The following ECT2 variants were observed in gnomAD, a reference collection of about 807,000 sequenced individuals.
ECT2 encodes the protein protein ECT2.
In ECT2, 61 loss-of-function variants were observed where a neutral mutation model predicts 116.9. The observed-to-expected ratio is 0.52, with a 90% CI of 0.42 to 0.65. The LOEUF is 0.65. Among genes scored for constraint, ECT2 ranks in the 30% least tolerant of loss-of-function variants. The pLI is 0.00. For synonymous variants in ECT2, 358 were observed against 346.4 expected (o/e 1.03, Z -0.37); for missense variants, 937 against 1,078.7 (o/e 0.87, Z 1.84).
At chr3:172,768,365 C>A (rs1719934647) in intron 12 of ECT2, among the ~76,000 whole-genome samples, 1 of 152,142 alleles carries the variant, frequency 6.6e-6, no homozygotes, top group African/African-American at 2.4e-5. Flanking sequence ...CTTTAGCATT[C>A]ATTCAGTCAA....
intron 13 of ECT2, among the ~76,000 whole-genome samples, chr3:172,771,727 A>T (rs74818651): frequency 6.6e-6 from 1 of 152,182 alleles, no homozygotes; most frequent in Admixed American, 6.5e-5. Context: ...TGGGGAATCA[A>T]TGATAATTTA....
In ECT2 at chr3:172,773,940, G is replaced by A; in HGVS notation, c.1466G>A (p.Gly489Asp). ...CCATTGGAAGAGGAAGGACAACGTGGTGGACCTATCCTTGCACCAGAGGAG... is the reference window on the plus strand; with the variant it reads ...CCATTGGAAGAGGAAGGACAACGTGATGGACCTATCCTTGCACCAGAGGAG... The part of the protein sequence containing the change: ...QVPLEEEGQR[G>D]GPILAPEEIK... The change falls in exon 14 of 25, where the codon GGT becomes GAT. Residue 489 changes from glycine (G) to aspartate (D), a missense_variant. Physicochemically the swap from Gly to Asp is moderately conservative, Grantham distance 94. Coordinates refer to ENST00000392692, the MANE Select transcript of ECT2 (RefSeq NM_001258315.2). 6.2e-7 allele frequency: 1 copy of A among 1,613,350 alleles called. No individual in the cohort carries two copies. The highest frequency in any genetic ancestry group is 8.5e-7 in the Non-Finnish European group (1 of 1,179,420).
intron 14 of ECT2, among the ~76,000 whole-genome samples, chr3:172,775,408 T>C (rs1721471332): frequency 6.6e-6 from 1 of 152,200 alleles, no homozygotes; most frequent in Non-Finnish European, 1.5e-5. Context: ...GTTTTATCAG[T>C]ATTGCTGATC....
chr3:172,803,664 G>C lies in ECT2; in HGVS notation c.2106+684G>C, dbSNP rs182866791. ...GAAAAATGTTCATTTTGATAAAACAGACATTAATAAGATGACTCATTTGAC... is the reference window on the plus strand; with the variant it reads ...GAAAAATGTTCATTTTGATAAAACACACATTAATAAGATGACTCATTTGAC... On this transcript the variant is annotated intron_variant, in intron 20 of 24. Transcript: ENST00000392692. Among the ~76,000 whole-genome samples, 126 of 152,286 alleles carry C rather than the reference G, an allele frequency of 8.3e-4. 1 individual carries two copies. Among genetic ancestry groups the C allele is most frequent in the Non-Finnish European group, 1.4e-3 (93 of 68,024 alleles).
Position 172,783,903 on chromosome 3 carries a change from T to C in ECT2, c.1722T>C (p.Phe574=). The C allele has an allele frequency of 6.4e-7, 1 of 1,573,824 alleles. No homozygotes were observed. The highest frequency in any genetic ancestry group is 8.7e-7 in the Non-Finnish European group (1 of 1,152,040). Residue 574 remains phenylalanine, a synonymous_variant, in exon 16 of 25, where the codon TTT becomes TTC. Coordinates refer to ENST00000392692, the MANE Select transcript of ECT2 (RefSeq NM_001258315.2). ...AACAGAAACCAAGATTTCATGCTTT[T>C]CTCAAGGTAATGTGTGTTTCTTTCA... ...CEKQKPRFHA[F]LKINQAKPEC...
chr3:172,759,441 A>G (rs1187808564), intron 6 of ECT2, among the ~76,000 whole-genome samples: 1 of 151,812 alleles, frequency 6.6e-6, no homozygotes, highest in Non-Finnish European at 1.5e-5. Context: ...TTCCTTTTTT[A>G]TTTTTATTTT....
At chr3:172,773,735 CATAAA>C (rs1186134099) in intron 13 of ECT2, among the ~76,000 whole-genome samples, 163 bp from the exon 14 acceptor site, 11 of 152,260 alleles carry the variant, frequency 7.2e-5, no homozygotes, top group East Asian at 3.9e-4. Flanking sequence ...AAATGGAGTA[CATAAA>C]ATAGAATAGA....
chr3:172,777,465 C>T (rs901060415), intron 14 of ECT2, among the ~76,000 whole-genome samples: 1 of 152,120 alleles, frequency 6.6e-6, no homozygotes, highest in Non-Finnish European at 1.5e-5. Flanking sequence ...AAGCCTCATC[C>T]TTACTTTGCT....
intron 6 of ECT2, 30 bp from the exon 7 acceptor site, chr3:172,760,124 TAA>T (rs774555350): frequency 6.8e-7 from 1 of 1,471,612 alleles, no homozygotes. Context: ...AAATTAACCA[TAA>T]AGTCAGTGTT....
chr3:172,781,057 ATGTTTTCTT>A lies in ECT2; in HGVS notation c.1549-1105_1549-1097del, dbSNP rs1189102501. 2.0e-5 allele frequency among the ~76,000 whole-genome samples: 3 copies of A among 152,020 alleles called. No homozygotes were observed. The East Asian group carries it at 5.8e-4, about 29-fold the overall frequency. ...CTCAAGATTTTGAAGATTGTTTTCT[ATGTTTTCTT>A]CAAAAATTGTTTTGCTTGTGGTGAG... On this transcript the variant is annotated intron_variant, in intron 14 of 24. Coordinates refer to ENST00000392692, the MANE Select transcript of ECT2 (RefSeq NM_001258315.2).
At chr3:172,816,622 T>A in intron 23 of ECT2, 69 bp from the exon 24 acceptor site, 1 of 1,411,928 alleles carries the variant, frequency 7.1e-7, no homozygotes, top group Non-Finnish European at 9.4e-7. Context: ...TTGGCTTTTT[T>A]ATGTTTAAAT....
At chr3:172,757,680 T>C (rs1224796062) in intron 5 of ECT2, among the ~76,000 whole-genome samples, 1 of 152,026 alleles carries the variant, frequency 6.6e-6, no homozygotes, top group Non-Finnish European at 1.5e-5. Context: ...CTCTCAAAGT[T>C]CTGGGATTAC....
Position 172,773,816 on chromosome 3 carries a change from T to A in ECT2, c.1429-87T>A, listed in dbSNP as rs1721128784. The A allele has an allele frequency of 3.0e-6, 4 of 1,312,776 alleles. No homozygotes were observed. The South Asian group carries it at 5.4e-5, about 18-fold the overall frequency. The allele number at this position is 1,312,776 out of a possible 1,614,324, so 81.3% of individuals were successfully genotyped here. A position where few individuals can be genotyped will look rare whatever the true frequency, so the allele number is the denominator to read the frequency against. On this transcript the variant is annotated intron_variant, in intron 13 of 24. Transcript: ENST00000392692. ...TTATTATTACTTCCTTCTCTATTAA[T>A]ATCTTGTGTCTCCTTTATCACTGTC...
At position 172,754,467 on chromosome 3, in the gene ECT2, T is replaced by C. The variant is rs201817121; in HGVS notation, c.-22-42T>C. ...GCCTCTAATACTTACTTTTGCCCAA[T>C]GACCATGTTTATGTATTTTTATTCA... is the stretch of plus-strand genomic sequence containing the variant. On this transcript the variant is annotated intron_variant, in intron 1 of 24. Coordinates refer to ENST00000392692, the MANE Select transcript of ECT2 (RefSeq NM_001258315.2). 20 of 1,416,474 alleles carry C rather than the reference T, an allele frequency of 1.4e-5. No homozygotes were observed. In the East Asian group the frequency reaches 4.1e-4, roughly 29 times the overall value. The allele number at this position is 1,416,474 out of a possible 1,614,324, so 87.7% of individuals were successfully genotyped here.
chr3:172,792,374 T>C (rs1417129797), intron 18 of ECT2, among the ~76,000 whole-genome samples: 2 of 150,240 alleles, frequency 1.3e-5, no homozygotes, highest in African/African-American at 4.9e-5. Context: ...TGAAGCACAA[T>C]AAAGTAAAGC....
intron 14 of ECT2, among the ~76,000 whole-genome samples, 194 bp downstream of exon 14, chr3:172,774,216 T>G (rs79047763): frequency 6.6e-6 from 1 of 152,178 alleles, no homozygotes; most frequent in South Asian, 2.1e-4. Flanking sequence ...GTTTTGTTTT[T>G]TGAGACAGTC....
At chr3:172,774,446 G>A (rs964598745) in intron 14 of ECT2, among the ~76,000 whole-genome samples, 6 of 152,052 alleles carry the variant, frequency 3.9e-5, no homozygotes, top group African/African-American at 1.4e-4. Context: ...TGGTCCACCC[G>A]TCTCGGCCTC....
At chr3:172,798,408 A>G (rs7635457) in intron 18 of ECT2, among the ~76,000 whole-genome samples, 3,400 of 152,240 alleles carry the variant, frequency 0.022, 139 homozygotes, top group African/African-American at 0.078. Context: ...GATTCTATCC[A>G]ACAAGTGCCC....
chr3:172,806,466 G>GT (rs1210577881), intron 21 of ECT2, among the ~76,000 whole-genome samples: 1 of 152,040 alleles, frequency 6.6e-6, no homozygotes, highest in South Asian at 2.1e-4. Flanking sequence ...AGTGTCATCT[G>GT]TTTAATTGAC....
Sources: gnomAD v4.1 joint callset for allele counts (sites outside exome capture counted in the v4.1 genomes callset) on GRCh38, gnomAD v4.1.1 for gene constraint, MANE v1.5 for transcripts, NCBI Gene and HGNC (gene_info 2026-07-23, HGNC 2026-07-21) for gene names.